ATAD2B: variants seen among roughly 807,000 people sequenced by gnomAD.
ATAD2B encodes the protein ATPase family AAA domain containing 2B.
In ATAD2B, 40 loss-of-function variants were observed where a neutral mutation model predicts 167.6. The observed-to-expected ratio is 0.24, with a 90% CI of 0.19 to 0.31. The LOEUF (loss-of-function observed/expected upper bound fraction) is 0.31, where lower values mean the gene tolerates loss of function less well. ATAD2B is among the 10% of genes least tolerant of loss of function. The pLI is 1.00. For synonymous variants in ATAD2B, 579 were observed against 596.5 expected (o/e 0.97, Z 0.43); for missense variants, 1,242 against 1,757.2 (o/e 0.71, Z 5.24).
At chr2:23,926,423 G>A in intron 1 of ATAD2B, 132 bp downstream of exon 1, 2 of 1,413,288 alleles carry the variant, frequency 1.4e-6, no homozygotes, top group Non-Finnish European at 1.8e-6. Context: ...CCTCCACCGC[G>A]CCCGCAGACC....
intron 13 of ATAD2B, chr2:23,856,285 C>A (rs1693397577): frequency 5.3e-6 from 1 of 189,478 alleles, no homozygotes; most frequent in Non-Finnish European, 1.2e-5. Context: ...AGTGGAGCTT[C>A]CTGAATCCCA....
intron 10 of ATAD2B, 93 bp from the exon 11 acceptor site, chr2:23,865,017 A>G: frequency 1.5e-6 from 1 of 672,796 alleles, no homozygotes; most frequent in South Asian, 2.4e-5. Context: ...ATTCAGAAAT[A>G]CATGCCTTTA....
the ATAD2B span, chr2:23,695,588 T>C: frequency 1.4e-6 from 2 of 1,457,388 alleles, no homozygotes; most frequent in Non-Finnish European, 1.8e-6. The surrounding 1 kb of genome is among the most constrained non-coding windows in gnomAD (Gnocchi z 7.6). Flanking sequence ...TCTCTCTTGC[T>C]AGTCTAAGAA....
chr2:23,874,349 G>C (rs1452323923), intron 8 of ATAD2B, among the ~76,000 whole-genome samples: 1 of 152,070 alleles, frequency 6.6e-6, no homozygotes, highest in Non-Finnish European at 1.5e-5. Context: ...TGACCTCTGA[G>C]TTGGCAATGG....
chr2:23,825,798 C>T (rs924759774), intron 15 of ATAD2B, among the ~76,000 whole-genome samples: 1 of 150,248 alleles, frequency 6.7e-6, no homozygotes, highest in Non-Finnish European at 1.5e-5. Flanking sequence ...AACTATTAGG[C>T]AAAACAAATA....
chr2:23,732,574 G>A, the ATAD2B span, among the ~76,000 whole-genome samples: 59 of 152,138 alleles, frequency 3.9e-4, no homozygotes, highest in African/African-American at 1.3e-3. Context: ...CCATGTATGC[G>A]TTATATTTTA....
At chr2:23,890,300 A>G (rs922970537) in intron 2 of ATAD2B, among the ~76,000 whole-genome samples, 1 of 137,394 alleles carries the variant, frequency 7.3e-6, no homozygotes, top group African/African-American at 2.6e-5. Context: ...TCAAAAAAAT[A>G]ACAACAAAAA....
intron 23 of ATAD2B, among the ~76,000 whole-genome samples, chr2:23,763,787 T>C (rs972613252): frequency 2.0e-5 from 3 of 152,128 alleles, no homozygotes; most frequent in African/African-American, 7.2e-5. Context: ...AGATGGTATC[T>C]TGCCATGTTG....
chr2:23,694,754 C>T, the ATAD2B span, among the ~76,000 whole-genome samples: 1 of 152,214 alleles, frequency 6.6e-6, no homozygotes, highest in South Asian at 2.1e-4. Flanking sequence ...TCCCATCCAC[C>T]TTGTGCCTGG....
At position 23,834,152 on chromosome 2, in the gene ATAD2B, C is replaced by CTTTTTTTTTT. The variant is rs11378615; in HGVS notation, c.1569-84_1569-75dup. Reference sequence around the variant, plus strand: ...CTTACAATAACGTTTATCAGTCTTTCTTTTTTTTTTTTTTTTTTTTTTTTT... The same window carrying CTTTTTTTTTT: ...CTTACAATAACGTTTATCAGTCTTTCTTTTTTTTTTTTTTTTTTTTTTTTTTTTTTTTTTT... On this transcript the variant is annotated intron_variant, in intron 13 of 27. Transcript: ENST00000238789. 26 of 119,656 alleles carry CTTTTTTTTTT rather than the reference C, an allele frequency of 2.2e-4. 2 individuals carry two copies. The highest frequency in any genetic ancestry group is 2.7e-4 in the African/African-American group (5 of 18,462). 7.4% of individuals were successfully genotyped at this position (119,656 alleles called of 1,614,324 possible). A position where few individuals can be genotyped will look rare whatever the true frequency, so the allele number is the denominator to read the frequency against.
the ATAD2B span, among the ~76,000 whole-genome samples, chr2:23,728,702 G>A: frequency 1.2e-4 from 18 of 151,974 alleles, no homozygotes; most frequent in East Asian, 1.9e-3. Context: ...GTCAGTAGGG[G>A]GTGTTTTTTG....
chr2:23,845,427 C>CA (rs944891108), intron 13 of ATAD2B, among the ~76,000 whole-genome samples: 18 of 150,878 alleles, frequency 1.2e-4, no homozygotes, highest in East Asian at 3.9e-4. Context: ...TTATACTTAG[C>CA]AAAAAAAAGC....
chr2:23,887,219 G>A (rs12463543), intron 4 of ATAD2B, among the ~76,000 whole-genome samples: 61,735 of 151,602 alleles, frequency 0.41, 13,667 homozygotes, highest in East Asian at 0.77. Context: ...AGCCAAGATC[G>A]CGTCACTGCA....
At chr2:23,698,756 C>T in the ATAD2B span, among the ~76,000 whole-genome samples, 1 of 152,116 alleles carries the variant, frequency 6.6e-6, no homozygotes, top group Non-Finnish European at 1.5e-5. Flanking sequence ...TCGGCAGGGT[C>T]ATTTGCATGT....
the ATAD2B span, among the ~76,000 whole-genome samples, chr2:23,680,945 T>C: frequency 1.3e-5 from 2 of 152,144 alleles, no homozygotes; most frequent in African/African-American, 2.4e-5. This position sits in a 1 kb window ranked among gnomAD's most constrained non-coding sequence, Gnocchi z 4.1. Flanking sequence ...GAATAGGCCA[T>C]GTTGTTGGAA....
At chr2:23,695,219 T>G in the ATAD2B span, among the ~76,000 whole-genome samples, 1 of 152,282 alleles carries the variant, frequency 6.6e-6, no homozygotes, top group Admixed American at 6.5e-5. This position sits in a 1 kb window ranked among gnomAD's most constrained non-coding sequence, Gnocchi z 7.6. Flanking sequence ...CTCCCACCTG[T>G]TCCTGAGTCC....
At chr2:23,703,575 TAGGCC>T in the ATAD2B span, 1 of 1,151,176 alleles carries the variant, frequency 8.7e-7, no homozygotes, top group African/African-American at 1.6e-5. Context: ...CAGGTTCCCC[TAGGCC>T]CCGGACCCAT....
chr2:23,805,795 TA>T (rs3030816), intron 18 of ATAD2B, among the ~76,000 whole-genome samples: 5 of 100,962 alleles, frequency 5.0e-5, no homozygotes, highest in Non-Finnish European at 6.0e-5. Context: ...TATCAAGCTT[TA>T]AAAAAAAAAA....
At chr2:23,848,063 G>C (rs1691969646) in intron 13 of ATAD2B, among the ~76,000 whole-genome samples, 1 of 151,350 alleles carries the variant, frequency 6.6e-6, no homozygotes. Context: ...GGCCCACACT[G>C]TAAGAAACGT....
Sources: allele counts gnomAD v4.1 joint callset (sites outside exome capture counted in the v4.1 genomes callset), GRCh38; gene constraint gnomAD v4.1.1; non-coding constraint Gnocchi (gnomAD v3.1); transcripts MANE v1.5; gene names NCBI Gene and HGNC (gene_info 2026-07-23, HGNC 2026-07-21).